Variants in NSD2 observed in about 807,000 individuals in gnomAD.
NSD2 encodes the protein nuclear receptor binding SET domain protein 2.
NSD2 carries 12 observed loss-of-function variants against 139.0 expected under a neutral mutation model. The observed-to-expected ratio is 0.09, with a 90% confidence interval of 0.06 to 0.14. The LOEUF (loss-of-function observed/expected upper bound fraction) is 0.14, where lower values mean the gene tolerates loss of function less well. Ranked by LOEUF, NSD2 falls within the 10% of genes least tolerant of loss-of-function variation. The pLI, the probability that NSD2 is intolerant of heterozygous loss-of-function variation, is 1.00. For synonymous variants in NSD2, 669 were observed against 648.7 expected, an observed-to-expected ratio of 1.03 and a Z score of -0.48; for missense variants, 1,155 against 1,745.0, an observed-to-expected ratio of 0.66 and a Z score of 6.02.
intron 3 of NSD2, 65 bp downstream of exon 3, chr4:1,904,443 G>C: frequency 6.6e-7 from 1 of 1,511,974 alleles, no homozygotes. Context: ...TCATCTCCAG[G>C]CTTCTTTCTT....
intron 18 of NSD2, among the ~76,000 whole-genome samples, chr4:1,968,970 A>C (rs1350744141): frequency 3.3e-5 from 5 of 152,264 alleles, no homozygotes; most frequent in African/African-American, 1.2e-4. Context: ...TACACAAAGT[A>C]CATCTTCACT....
At chr4:1,872,945 C>A (rs1713980360) in intron 1 of NSD2, among the ~76,000 whole-genome samples, 1 of 152,162 alleles carries the variant, frequency 6.6e-6, no homozygotes, top group African/African-American at 2.4e-5. Context: ...AAGAGCAGAA[C>A]GCCAACAACA....
rs751306053 is a variant in NSD2 at position 1,978,713 on chromosome 4, A to G, written c.3902A>G (p.Asn1301Ser). ...PSTSFCHLCP[N>S]SFCKEHQDGT... ...ACTTCATTTTGCCACCTCTGCCCCA[A>G]TTCGTTCTGTAAGGAGCACCAGGAC... Residue 1301 changes from asparagine to serine, a missense_variant, in exon 22 of 22, where the codon AAT (asparagine) becomes AGT (serine). Physicochemically the swap from Asn to Ser is conservative, Grantham distance 46. This residue lies in a region of NSD2 where 132 missense variants were observed against 94.3 expected (regional missense o/e 1.40). Coordinates refer to ENST00000508803, the MANE Select transcript of NSD2 (RefSeq NM_001042424.3). The G allele has an allele frequency of 6.8e-6, 11 of 1,613,988 alleles. No individual in the cohort carries two copies. Among genetic ancestry groups the G allele is most frequent in the East Asian group, 2.2e-5 (1 of 44,866 alleles).
intron 11 of NSD2, 138 bp downstream of exon 11, chr4:1,952,369 T>C: frequency 7.5e-7 from 1 of 1,331,758 alleles, no homozygotes; most frequent in Non-Finnish European, 1.0e-6. Context: ...TCTCTGGAGC[T>C]TGTAGCCCAC....
At chr4:1,878,788 C>T (rs1315998230) in intron 1 of NSD2, among the ~76,000 whole-genome samples, 5 of 152,124 alleles carry the variant, frequency 3.3e-5, no homozygotes, top group African/African-American at 9.7e-5. Flanking sequence ...CCTTATGCAC[C>T]ATTAGCAGGG....
chr4:1,959,114 G>T (rs1725116704), intron 16 of NSD2, among the ~76,000 whole-genome samples: 1 of 152,220 alleles, frequency 6.6e-6, no homozygotes, highest in Non-Finnish European at 1.5e-5. Flanking sequence ...GCTCTTACCA[G>T]CGTTTGCTGG....
intron 15 of NSD2, among the ~76,000 whole-genome samples, chr4:1,957,288 G>GT (rs201986259): frequency 0.024 from 3,419 of 141,248 alleles, 51 homozygotes; most frequent in African/African-American, 0.037. Flanking sequence ...TTTTGTTTTT[G>GT]TTTTTTTTTT....
intron 5 of NSD2, among the ~76,000 whole-genome samples, chr4:1,927,152 C>T (rs1721010382): frequency 6.6e-6 from 1 of 152,200 alleles, no homozygotes; most frequent in Admixed American, 6.5e-5. Context: ...GTGGCCCTCT[C>T]CACAGGGCTG....
chr4:1,908,321 C>A (rs562576029), intron 3 of NSD2, among the ~76,000 whole-genome samples: 2 of 152,322 alleles, frequency 1.3e-5, no homozygotes, highest in South Asian at 4.1e-4. Flanking sequence ...AAGGGAGTGT[C>A]CTGCACCAGC....
In NSD2 at chr4:1,956,728, A is replaced by G. The variant is rs926600728; in HGVS notation, c.2881+540A>G. On this transcript the variant is annotated intron_variant, in intron 15 of 21. Transcript: ENST00000508803. The surrounding 1 kb of genome is among the most constrained non-coding windows in gnomAD (Gnocchi z 5.3). ...CACTGGAGGAACTGGAGGAACTGGT[A>G]TTTATGATCGGTCAAGAGAGAATGA... Among the ~76,000 whole-genome samples, 1 of 152,214 alleles carries G rather than the reference A, an allele frequency of 6.6e-6. No individual in the cohort carries two copies. The highest frequency in any genetic ancestry group is 1.5e-5 in the Non-Finnish European group (1 of 68,032).
intron 1 of NSD2, among the ~76,000 whole-genome samples, chr4:1,879,290 C>G (rs559259051): frequency 3.3e-5 from 5 of 152,182 alleles, no homozygotes; most frequent in Non-Finnish European, 5.9e-5. Context: ...GTGATCTCAG[C>G]TCGCTGCAAG....
At chr4:1,960,503 G>C (rs1415909027) in intron 17 of NSD2, among the ~76,000 whole-genome samples, 2 of 152,240 alleles carry the variant, frequency 1.3e-5, no homozygotes, top group Non-Finnish European at 2.9e-5. Flanking sequence ...ATGTAGAACT[G>C]CTGACCCTGA....
rs568580622 is a variant in NSD2 at position 1,882,688 on chromosome 4, C to A, written c.-30+11146C>A. On this transcript the variant is annotated intron_variant, in intron 1 of 21. Coordinates refer to ENST00000508803, the MANE Select transcript of NSD2 (RefSeq NM_001042424.3). ...TCAAAAACAACAACAACAACAACAA[C>A]AAAAAACTGGGTTGAGCCAAGTAAC... Among the ~76,000 whole-genome samples, 12 of 152,106 alleles carry A rather than the reference C, an allele frequency of 7.9e-5. No individual in the cohort carries two copies. In the South Asian group the frequency reaches 8.3e-4, roughly 11 times the overall value.
chr4:1,943,741 C>G, intron 9 of NSD2: 2 of 1,056,408 alleles, frequency 1.9e-6, no homozygotes, highest in Non-Finnish European at 2.3e-6. Context: ...AAAAACCCCA[C>G]GAAATTTAAA....
chr4:1,972,286 C>A lies in NSD2; in HGVS notation c.3373-2577C>A, dbSNP rs996889032. Reference sequence around the variant, plus strand: ...CACAAGAGATGATATGGATGAGTGGCGGTACAGGCTATGTCTCAGCTGGGA... The same window carrying A: ...CACAAGAGATGATATGGATGAGTGGAGGTACAGGCTATGTCTCAGCTGGGA... On this transcript the variant is annotated intron_variant, in intron 18 of 21. Coordinates refer to ENST00000508803, the MANE Select transcript of NSD2 (RefSeq NM_001042424.3). The surrounding 1 kb of genome is among the most constrained non-coding windows in gnomAD (Gnocchi z 4.0). Among the ~76,000 whole-genome samples, 2 of 152,070 alleles carry A rather than the reference C, an allele frequency of 1.3e-5. No individual in the cohort carries two copies. Among genetic ancestry groups the A allele is most frequent in the Non-Finnish European group, 2.9e-5 (2 of 68,012 alleles).
At chr4:1,969,494 T>A (rs1726219767) in intron 18 of NSD2, among the ~76,000 whole-genome samples, 2 of 151,172 alleles carry the variant, frequency 1.3e-5, no homozygotes, top group Non-Finnish European at 2.9e-5. Context: ...GAGCCCAGCC[T>A]GGAGTTTGAG....
chr4:1,952,382 C>A, intron 11 of NSD2, 151 bp downstream of exon 11: 2 of 1,215,978 alleles, frequency 1.6e-6, no homozygotes, highest in Non-Finnish European at 2.3e-6. Context: ...TAGCCCACAG[C>A]TGGCAGGTGT....
chr4:1,894,867 T>C (rs765067172), intron 1 of NSD2, among the ~76,000 whole-genome samples: 11 of 152,174 alleles, frequency 7.2e-5, no homozygotes, highest in Admixed American at 2.6e-4. Context: ...CACATTGTTA[T>C]ACAACCATGA....
chr4:1,872,629 A>AGAGAGAGAGAGAGAGG (rs1553856461), intron 1 of NSD2, among the ~76,000 whole-genome samples: 6 of 142,600 alleles, frequency 4.2e-5, no homozygotes, highest in Non-Finnish European at 7.7e-5. Flanking sequence ...AGAGAGAGAG[A>AGAGAGAGAGAGAGAGG]GAGAGAGCGC....
Sources: allele counts gnomAD v4.1 joint callset (sites outside exome capture counted in the v4.1 genomes callset), GRCh38; gene constraint gnomAD v4.1.1; regional missense constraint gnomAD v4.1.1; non-coding constraint Gnocchi (gnomAD v3.1); transcripts MANE v1.5; gene names NCBI Gene and HGNC (gene_info 2026-07-23, HGNC 2026-07-21).